ADGRV1: variants seen among roughly 807,000 people sequenced by gnomAD.
ADGRV1 encodes the protein G-protein coupled receptor 98.
Under a neutral mutation model 596.2 loss-of-function variants are expected in ADGRV1, and 359 were observed. That is an observed-to-expected ratio of 0.60 (90% confidence interval 0.55 to 0.66). The LOEUF (loss-of-function observed/expected upper bound fraction) is 0.66, where lower values mean the gene tolerates loss of function less well. Among genes scored for constraint, ADGRV1 ranks in the 30% least tolerant of loss-of-function variants. ADGRV1 has a pLI of 0.00. For synonymous variants in ADGRV1, 2,681 were observed against 2,679.2 expected, an observed-to-expected ratio of 1.00 and a Z score of -0.02; for missense variants, 7,274 against 7,575.6, an observed-to-expected ratio of 0.96 and a Z score of 1.48.
At chr5:90,661,620 G>A (rs34490215) in intron 21 of ADGRV1, among the ~76,000 whole-genome samples, 9,453 of 152,096 alleles carry the variant, frequency 0.062, 417 homozygotes, top group Non-Finnish European at 0.089. Context: ...TCAAAAACTC[G>A]TCTTACTATT....
At chr5:91,054,710 C>T (rs1008830452) in intron 85 of ADGRV1, among the ~76,000 whole-genome samples, 1 of 152,186 alleles carries the variant, frequency 6.6e-6, no homozygotes, top group Non-Finnish European at 1.5e-5. Context: ...AAGGGCTCTG[C>T]TCTCATGACC....
chr5:90,713,212 A>G (rs1198437754), intron 42 of ADGRV1, among the ~76,000 whole-genome samples: 4 of 152,104 alleles, frequency 2.6e-5, no homozygotes, highest in Admixed American at 2.6e-4. Context: ...TTCCTGAATT[A>G]TTGGCCTTTA....
chr5:90,743,953 T>A (rs1754303861), intron 50 of ADGRV1, among the ~76,000 whole-genome samples: 1 of 150,978 alleles, frequency 6.6e-6, no homozygotes. Flanking sequence ...CCTTTGGCTA[T>A]TTTTTACTTC....
chr5:90,847,737 C>T (rs920611718), intron 78 of ADGRV1, among the ~76,000 whole-genome samples: 18 of 152,214 alleles, frequency 1.2e-4, no homozygotes, highest in East Asian at 3.9e-4. Flanking sequence ...CCTCACTGCC[C>T]GGGGCTGGCA....
intron 25 of ADGRV1, among the ~76,000 whole-genome samples, chr5:90,678,766 A>G (rs534769378): frequency 6.6e-6 from 1 of 151,808 alleles, no homozygotes; most frequent in Non-Finnish European, 1.5e-5. Context: ...TAATTTATTC[A>G]TGAGGGCAGA....
intron 1 of ADGRV1, among the ~76,000 whole-genome samples, chr5:90,581,811 G>T (rs1758099106): frequency 6.6e-6 from 1 of 152,120 alleles, no homozygotes; most frequent in African/African-American, 2.4e-5. Flanking sequence ...TCTTGATAAA[G>T]GTGTTTTAAG....
chr5:90,813,132 C>CATAAAAAAAAAA, intron 74 of ADGRV1, among the ~76,000 whole-genome samples: 1 of 34,914 alleles, frequency 2.9e-5, no homozygotes, highest in Non-Finnish European at 5.4e-5. Flanking sequence ...GACTCCGTCT[C>CATAAAAAAAAAA]AAAAAAAAAA....
intron 1 of ADGRV1, among the ~76,000 whole-genome samples, chr5:90,574,692 G>T (rs1189880893): frequency 6.6e-6 from 1 of 152,144 alleles, no homozygotes; most frequent in African/African-American, 2.4e-5. Context: ...GTCTGGTAGA[G>T]TTCAGCTGTG....
intron 50 of ADGRV1, among the ~76,000 whole-genome samples, chr5:90,743,360 G>A (rs965587592): frequency 7.2e-5 from 11 of 152,020 alleles, no homozygotes; most frequent in African/African-American, 2.7e-4. Flanking sequence ...TGATATGTAA[G>A]AGTAAGGATA....
chr5:91,021,935 G>C (rs969691250), intron 85 of ADGRV1, among the ~76,000 whole-genome samples: 14 of 152,042 alleles, frequency 9.2e-5, no homozygotes, highest in African/African-American at 3.4e-4. Context: ...CTGTCAGCTT[G>C]TAACTGATTG....
At position 91,068,195 on chromosome 5, in the gene ADGRV1, G is replaced by A. The variant is rs148340321; in HGVS notation, c.18153-4252G>A. On this transcript the variant is annotated intron_variant, in intron 85 of 89. Coordinates refer to ENST00000405460, the MANE Select transcript of ADGRV1 (RefSeq NM_032119.4). ...TGAGTGGCCAGGTGCAGTGGCTCAC[G>A]CCTATAAACCCAGCACTTTGGGAGG... 3.0e-4 allele frequency among the ~76,000 whole-genome samples: 46 copies of A among 152,074 alleles called. No homozygotes were observed. In the East Asian group the frequency reaches 5.8e-3, roughly 19 times the overall value.
rs369717492 is a variant in ADGRV1, at chr5:90,853,421, A to G, written c.17342A>G (p.Gln5781Arg). Reference sequence around the variant, plus strand: ...ATTCCAGAGAGGCTACTGGATGTCCAGGATGCAGAAATAATGGCTGGGAAA... The same window carrying G: ...ATTCCAGAGAGGCTACTGGATGTCCGGGATGCAGAAATAATGGCTGGGAAA... ...IRIPERLLDV[Q>R]DAEIMAGKST... The change falls in exon 80 of 90, where the codon CAG (glutamine) becomes CGG (arginine). Residue 5781 changes from glutamine to arginine, a missense_variant. Physicochemically the swap from Gln to Arg is conservative, Grantham distance 43. Coordinates refer to ENST00000405460, the MANE Select transcript of ADGRV1 (RefSeq NM_032119.4). 3.3e-5 allele frequency: 54 copies of G among 1,613,612 alleles called. No homozygotes were observed. The Admixed American group carries it at 5.0e-4, about 15-fold the overall frequency.
At chr5:90,663,111 CT>C (rs1275684972) in intron 21 of ADGRV1, among the ~76,000 whole-genome samples, 1 of 150,412 alleles carries the variant, frequency 6.6e-6, no homozygotes, top group Non-Finnish European at 1.5e-5. Context: ...ATTTACAGTC[CT>C]TTGGGTATAT....
At chr5:91,066,188 G>C (rs927967809) in intron 85 of ADGRV1, among the ~76,000 whole-genome samples, 2 of 152,116 alleles carry the variant, frequency 1.3e-5, no homozygotes, top group African/African-American at 4.8e-5. Flanking sequence ...CCACAGCCCT[G>C]GTGCGGGCAT....
At position 90,821,087 on chromosome 5, in the gene ADGRV1, G is replaced by T. The variant is rs375799025; in HGVS notation, c.16197-2338G>T. 4.5e-3 allele frequency among the ~76,000 whole-genome samples: 689 copies of T among 151,974 alleles called. 4 individuals are homozygous for T. Among genetic ancestry groups the T allele is most frequent in the Middle Eastern group, 0.014 (4 of 294 alleles). ...GTAGATTTGGTCTTTTCACATAGTCGCATATTTCTTGGAGGCTTTGCTCAT... is the reference window on the plus strand; with the variant it reads ...GTAGATTTGGTCTTTTCACATAGTCTCATATTTCTTGGAGGCTTTGCTCAT... On this transcript the variant is annotated intron_variant, in intron 75 of 89. Coordinates refer to ENST00000405460, the MANE Select transcript of ADGRV1 (RefSeq NM_032119.4).
chr5:91,103,780 A>G (rs1791601459), intron 87 of ADGRV1, among the ~76,000 whole-genome samples: 1 of 152,150 alleles, frequency 6.6e-6, no homozygotes, highest in African/African-American at 2.4e-5. Context: ...CCCTGAGATT[A>G]TGACACATTT....
At chr5:90,974,688 C>T (rs1581683058) in intron 84 of ADGRV1, among the ~76,000 whole-genome samples, 2 of 152,232 alleles carry the variant, frequency 1.3e-5, no homozygotes, top group East Asian at 1.9e-4. Flanking sequence ...ACACCTTATA[C>T]AAAAAGTAAT....
At chr5:90,585,477 A>T (rs934634092) in intron 1 of ADGRV1, among the ~76,000 whole-genome samples, 3 of 152,204 alleles carry the variant, frequency 2.0e-5, no homozygotes, top group Non-Finnish European at 4.4e-5. Context: ...GGGTTGTAGG[A>T]TGGAGGGCGG....
chr5:90,675,374 G>T lies in ADGRV1; in HGVS notation c.5242G>T (p.Gly1748Ter), dbSNP rs918660998. The change falls in exon 24 of 90, where the codon GGA becomes TGA. Residue 1748 changes from glycine to a stop codon, truncating the protein, a stop_gained. Transcript: ENST00000405460. LOFTEE classifies it high-confidence loss of function. The part of the protein sequence containing the change: ...EIRLLVIRAQ[G>*]LLGRVTAEFR... ...CAGGTTATTGGTCATCCGTGCACAG[G>T]GACTTCTGGGAAGGGTGACTGCGGA... is the stretch of plus-strand genomic sequence containing the variant. 1.9e-6 allele frequency: 3 copies of T among 1,613,718 alleles called. No individual in the cohort carries two copies. Among genetic ancestry groups the T allele is most frequent in the Non-Finnish European group, 2.5e-6 (3 of 1,179,854 alleles).
Sources: gnomAD v4.1 joint callset for allele counts (sites outside exome capture counted in the v4.1 genomes callset) on GRCh38, gnomAD v4.1.1 for gene constraint, MANE v1.5 for transcripts, NCBI Gene and HGNC (gene_info 2026-07-23, HGNC 2026-07-21) for gene names.